GALM: variants seen among roughly 807,000 people sequenced by gnomAD.
GALM encodes the protein aldose 1-epimerase.
Under a neutral mutation model 37.4 loss-of-function variants are expected in GALM, and 43 were observed. The ratio of observed to expected loss-of-function variants is 1.15; its 90% confidence interval spans 0.90 to 1.48. GALM has a LOEUF of 1.48. GALM is among the 40% of genes most tolerant of loss of function. The pLI, the probability that GALM is intolerant of heterozygous loss-of-function variation, is 0.00. For missense variants in GALM, 456 were observed against 419.1 expected (o/e 1.09, Z -0.77); for synonymous variants, 199 against 170.6 (o/e 1.17, Z -1.30).
chr2:38,668,486 T>C (rs951683469), intron 1 of GALM: 1 of 152,208 alleles, frequency 6.6e-6, no homozygotes, highest in Non-Finnish European at 1.5e-5. Flanking sequence ...AAAACCTATG[T>C]TAACAATAAA....
At chr2:38,731,396 CAAAAAAAAA>C (rs66613702) in intron 5 of GALM, among the ~76,000 whole-genome samples, 2,002 of 121,666 alleles carry the variant, frequency 0.016, 57 homozygotes, top group African/African-American at 0.058. Flanking sequence ...GACTCTATTT[CAAAAAAAAA>C]AAAAAAAAAA....
intron 4 of GALM, among the ~76,000 whole-genome samples, chr2:38,713,196 A>G (rs934811181): frequency 1.3e-5 from 2 of 152,156 alleles, no homozygotes; most frequent in African/African-American, 4.8e-5. Context: ...GGGAAGTAGC[A>G]AAATAAGCAT....
chr2:38,680,463 C>T (rs12712612), intron 2 of GALM, among the ~76,000 whole-genome samples: 14,711 of 152,146 alleles, frequency 0.097, 805 homozygotes, highest in South Asian at 0.22. Flanking sequence ...CCTAGAGTCA[C>T]ACAATGAGCT....
Position 38,731,858 on chromosome 2 carries a change from G to C in GALM, c.900G>C (p.Lys300Asn). The C allele has an allele frequency of 6.2e-7, 1 of 1,614,154 alleles. No homozygotes were observed. The highest frequency in any genetic ancestry group is 8.5e-7 in the Non-Finnish European group (1 of 1,180,020). ...GCAAGAATGGAGCTGTCTATCCCAA[G>C]CACTCCGGTTTCTGCCTGGAGACTC... is the stretch of plus-strand genomic sequence containing the variant. ...LKGKNGAVYPKHSGFCLETQN... is the reference protein window; with the variant it reads ...LKGKNGAVYPNHSGFCLETQN... Residue 300 changes from lysine (K) to asparagine (N), a missense_variant, in exon 6 of 7, where the codon AAG (lysine) becomes AAC (asparagine). Coordinates refer to ENST00000272252, the MANE Select transcript of GALM (RefSeq NM_138801.3).
intron 4 of GALM, among the ~76,000 whole-genome samples, chr2:38,719,070 A>G (rs1194761589): frequency 6.6e-6 from 1 of 151,830 alleles, no homozygotes; most frequent in Non-Finnish European, 1.5e-5. Context: ...TGTGGCATAA[A>G]TGTGTCTTGC....
intron 1 of GALM, among the ~76,000 whole-genome samples, chr2:38,672,391 C>A (rs935795870): frequency 6.6e-6 from 1 of 152,124 alleles, no homozygotes; most frequent in South Asian, 2.1e-4. Flanking sequence ...TTTGGGACTC[C>A]TTTTGGTTAA....
rs557025341 is a variant in GALM, at chr2:38,729,166, G to T, written c.635-390G>T. 5.6e-4 allele frequency among the ~76,000 whole-genome samples: 83 copies of T among 148,092 alleles called. 2 individuals carry two copies. In the South Asian group the frequency reaches 6.3e-3, roughly 11 times the overall value. ...TCCCATATACTCTATTTATTTGAGG[G>T]TTTTTTTTTTCTCTTCCCCACCCTC... is the stretch of plus-strand genomic sequence containing the variant. On this transcript the variant is annotated intron_variant, in intron 4 of 6. Coordinates refer to ENST00000272252, the MANE Select transcript of GALM (RefSeq NM_138801.3).
chr2:38,714,269 C>T (rs1001730051), intron 4 of GALM, among the ~76,000 whole-genome samples: 5 of 151,938 alleles, frequency 3.3e-5, no homozygotes, highest in East Asian at 1.9e-4. Context: ...GGCGGGAGTG[C>T]AGTGGTGTGA....
At chr2:38,683,328 G>C (rs561781520) in intron 3 of GALM, among the ~76,000 whole-genome samples, 1 of 151,962 alleles carries the variant, frequency 6.6e-6, no homozygotes, top group Non-Finnish European at 1.5e-5. Context: ...CCAAAAGCGC[G>C]GTCAATGAAC....
intron 3 of GALM, 111 bp downstream of exon 3, chr2:38,681,597 T>G: frequency 1.1e-6 from 1 of 888,732 alleles, no homozygotes; most frequent in Non-Finnish European, 1.8e-6. Context: ...GTCACCCTCA[T>G]GATGATGAAA....
At chr2:38,727,920 T>C (rs1470233371) in intron 4 of GALM, among the ~76,000 whole-genome samples, 3 of 152,170 alleles carry the variant, frequency 2.0e-5, no homozygotes, top group Non-Finnish European at 4.4e-5. Context: ...CTTAGCCTCC[T>C]AAGATTTCAG....
intron 6 of GALM, 111 bp downstream of exon 6, chr2:38,732,020 T>G: frequency 1.1e-6 from 1 of 948,798 alleles, no homozygotes; most frequent in Non-Finnish European, 1.6e-6. Flanking sequence ...CATGCTTTGT[T>G]TGTTTGGTTT....
intron 2 of GALM, among the ~76,000 whole-genome samples, chr2:38,677,740 C>G (rs1665292961): frequency 6.6e-6 from 1 of 152,180 alleles, no homozygotes; most frequent in Admixed American, 6.5e-5. Flanking sequence ...CCTTGAGCCC[C>G]TTCTGTGAAG....
At chr2:38,708,731 G>T (rs375767192) in intron 4 of GALM, among the ~76,000 whole-genome samples, 2 of 91,524 alleles carry the variant, frequency 2.2e-5, no homozygotes, top group Non-Finnish European at 2.6e-5. Context: ...TCTGTCTCAA[G>T]AAAAAAAAAA....
rs765500258 is a variant in GALM, at chr2:38,681,931, A to G, written c.552+445A>G. Among the ~76,000 whole-genome samples, 4 of 152,206 alleles carry G rather than the reference A, an allele frequency of 2.6e-5. No homozygotes were observed. The South Asian group carries it at 6.2e-4, about 24-fold the overall frequency. ...CCCTGTGAGCCTGCCAGCTCCTCCC[A>G]GGGGTTTGGGTGGGCCAGTCCTGCC... On this transcript the variant is annotated intron_variant, in intron 3 of 6. Coordinates refer to ENST00000272252, the MANE Select transcript of GALM (RefSeq NM_138801.3).
intron 4 of GALM, among the ~76,000 whole-genome samples, chr2:38,719,237 C>G (rs114612780): frequency 5.3e-5 from 8 of 150,448 alleles, no homozygotes; most frequent in African/African-American, 2.0e-4. Context: ...TTTGGGAACC[C>G]GAGGTGGGTG....
intron 1 of GALM, among the ~76,000 whole-genome samples, chr2:38,675,538 TTTTTTTG>T (rs1665231918): frequency 2.2e-5 from 2 of 92,482 alleles, no homozygotes; most frequent in African/African-American, 9.8e-5. Context: ...TTTTTTTTTT[TTTTTTTG>T]TGTGTGTGTG....
At chr2:38,683,897 T>A (rs1486661165) in intron 3 of GALM, among the ~76,000 whole-genome samples, 2 of 152,100 alleles carry the variant, frequency 1.3e-5, no homozygotes, top group Admixed American at 6.6e-5. Flanking sequence ...TTAGGGATTT[T>A]CAACCTCTAT....
chr2:38,709,214 A>G (rs1666103404), intron 4 of GALM, among the ~76,000 whole-genome samples: 1 of 152,178 alleles, frequency 6.6e-6, no homozygotes, highest in Non-Finnish European at 1.5e-5. Flanking sequence ...GGGGCCTGGC[A>G]GTCCCAGGAG....
Sources: allele counts gnomAD v4.1 joint callset (sites outside exome capture counted in the v4.1 genomes callset), GRCh38; gene constraint gnomAD v4.1.1; transcripts MANE v1.5; gene names NCBI Gene and HGNC (gene_info 2026-07-23, HGNC 2026-07-21).